TRAFD1: variants seen among roughly 807,000 people sequenced by gnomAD.
The protein encoded by TRAFD1 is TRAF-type zinc finger domain containing 1.
Under a neutral mutation model 65.3 loss-of-function variants are expected in TRAFD1, and 38 were observed. The observed-to-expected ratio is 0.58, with a 90% confidence interval of 0.45 to 0.76. TRAFD1 has a LOEUF of 0.76. Ranked by LOEUF, TRAFD1 falls within the 30% of genes least tolerant of loss-of-function variation. The pLI is 0.00. For synonymous variants in TRAFD1, 223 were observed against 257.2 expected, an observed-to-expected ratio of 0.87 and a Z score of 1.27; for missense variants, 631 against 712.6, an observed-to-expected ratio of 0.89 and a Z score of 1.30.
In TRAFD1 at chr12:112,140,851, C is replaced by A. The variant is rs1420003205; in HGVS notation, c.270C>A (p.Cys90Ter). The A allele has an allele frequency of 6.2e-7, 1 of 1,614,130 alleles. No homozygotes were observed. Among genetic ancestry groups the A allele is most frequent in the Non-Finnish European group, 8.5e-7 (1 of 1,180,012 alleles). Residue 90 changes from cysteine to a stop codon, truncating the protein, a stop_gained, in exon 5 of 12, where the codon TGC becomes TGA. Transcript: ENST00000412615. LOFTEE classifies it high-confidence loss of function. ...ETECPLRLAV[C>*]QHCDLELSIL... Reference sequence around the variant, plus strand: ...AGTGCCCTTTGCGGCTTGCTGTCTGCCAGCACTGTGATTTAGAACTTTCCA... The same window carrying A: ...AGTGCCCTTTGCGGCTTGCTGTCTGACAGCACTGTGATTTAGAACTTTCCA...
In TRAFD1 at chr12:112,152,133, G is replaced by A. The variant is rs115008525; in HGVS notation, c.1612G>A (p.Gly538Arg). ...CTCCCCTGGGCCTTCAGGGAGATAC[G>A]GAGCTAGGTAAGAATCAGTAGCCCA... ...SFSPGPSGRY[G>R]ASGRSEGGRN... Residue 538 changes from glycine to arginine, a missense_variant, in exon 10 of 12, where the codon GGA (glycine) becomes AGA (arginine). Gly to Arg is a moderately radical substitution (Grantham distance 125, BLOSUM62 -2). Coordinates refer to ENST00000412615, the MANE Select transcript of TRAFD1 (RefSeq NM_006700.3). The surrounding 1 kb of genome is among the most constrained non-coding windows in gnomAD (Gnocchi z 5.0). The A allele has an allele frequency of 1.4e-5, 22 of 1,610,778 alleles. No homozygotes were observed. The highest frequency in any genetic ancestry group is 8.9e-5 in the East Asian group (4 of 44,824).
chr12:112,151,064 C>T (rs2030389905), intron 9 of TRAFD1, among the ~76,000 whole-genome samples: 1 of 151,742 alleles, frequency 6.6e-6, no homozygotes, highest in South Asian at 2.1e-4. Context: ...ATCATGAAAC[C>T]CCGTCTCTAC....
chr12:112,145,701 T>TATGCAGGCCATAATTGGTG, intron 7 of TRAFD1, 39 bp downstream of exon 7: 3 of 1,590,392 alleles, frequency 1.9e-6, no homozygotes, highest in Non-Finnish European at 2.6e-6. Context: ...AGTAGGATTG[T>TATGCAGGCCATAATTGGTG]ATGCAGGCCA....
intron 5 of TRAFD1, chr12:112,141,863 A>G (rs2030097438): frequency 1.9e-6 from 1 of 520,834 alleles, no homozygotes; most frequent in Admixed American, 3.2e-5. Context: ...TGGCTCAGTA[A>G]TATTGCTTAA....
chr12:112,149,678 G>A, intron 8 of TRAFD1, 73 bp from the exon 9 acceptor site: 1 of 1,593,078 alleles, frequency 6.3e-7, no homozygotes, highest in Non-Finnish European at 8.6e-7. Flanking sequence ...ATACACTGCT[G>A]TTCCTCCCAT....
intron 1 of TRAFD1, among the ~76,000 whole-genome samples, chr12:112,129,459 C>T (rs1163945876): frequency 6.6e-6 from 1 of 151,930 alleles, no homozygotes; most frequent in Admixed American, 6.6e-5. Context: ...AGCTCAGCCT[C>T]CCAAAGTTCT....
At chr12:112,150,593 T>G (rs1013254877) in intron 9 of TRAFD1, among the ~76,000 whole-genome samples, 8 of 152,124 alleles carry the variant, frequency 5.3e-5, no homozygotes, top group Non-Finnish European at 8.8e-5. Flanking sequence ...AGGGTCTCTT[T>G]GTCATCCAGG....
rs1162086919 is a variant in TRAFD1, at chr12:112,152,448, G to C, written c.1641G>C (p.Arg547Ser). 1 of 1,613,666 alleles carries C rather than the reference G, an allele frequency of 6.2e-7. No homozygotes were observed. The highest frequency in any genetic ancestry group is 1.7e-5 in the Admixed American group (1 of 60,014). ...YGASGRSEGGRNSRVTPAAAN... is the reference protein window; with the variant it reads ...YGASGRSEGGSNSRVTPAAAN... The stretch of plus-strand genomic sequence containing the variant: ...TCAGTGGTAGGAGTGAAGGTGGCAG[G>C]AATTCCCGGGTCACCCCTGCAGCTG... Residue 547 changes from arginine (R) to serine (S), a missense_variant, in exon 11 of 12, where the codon AGG becomes AGC. By Grantham distance (110) the Arg-to-Ser change is moderately radical. Transcript: ENST00000412615. The surrounding 1 kb of genome is among the most constrained non-coding windows in gnomAD (Gnocchi z 5.0).
At position 112,152,048 on chromosome 12, in the gene TRAFD1, G is replaced by C. The variant is rs2030424666; in HGVS notation, c.1527G>C (p.Gly509=). The C allele has an allele frequency of 6.2e-7, 1 of 1,614,120 alleles. No homozygotes were observed. The highest frequency in any genetic ancestry group is 1.3e-5 in the African/African-American group (1 of 74,946). The change falls in exon 10 of 12, where the codon GGG becomes GGC. Residue 509 remains glycine, a synonymous_variant. Coordinates refer to ENST00000412615, the MANE Select transcript of TRAFD1 (RefSeq NM_006700.3). The surrounding 1 kb of genome is among the most constrained non-coding windows in gnomAD (Gnocchi z 5.0). ...RDSQNGAIAP[G]HVSVIRPPQN... is the part of the protein sequence containing the mutation. The stretch of plus-strand genomic sequence containing the variant: ...GCCAGAATGGGGCCATAGCCCCTGG[G>C]CACGTTTCAGTGATTCGCCCTCCTC...
At chr12:112,132,318 A>G (rs2079570171) in intron 2 of TRAFD1, among the ~76,000 whole-genome samples, 1 of 152,204 alleles carries the variant, frequency 6.6e-6, no homozygotes, top group African/African-American at 2.4e-5. Flanking sequence ...AAATATTCAT[A>G]CATAATCCCA....
At chr12:112,149,546 CAG>C (rs2030343789) in intron 8 of TRAFD1, 2 of 550,614 alleles carry the variant, frequency 3.6e-6, no homozygotes, top group Non-Finnish European at 6.3e-6. Flanking sequence ...CTGCACAAAT[CAG>C]AAAGTGTTTC....
At chr12:112,144,733 A>G (rs2030192011) in intron 6 of TRAFD1, among the ~76,000 whole-genome samples, 1 of 152,084 alleles carries the variant, frequency 6.6e-6, no homozygotes, top group Admixed American at 6.6e-5. Context: ...ATAAACAAAA[A>G]CTAGCTAGGC....
chr12:112,133,429 A>C (rs1173948457), intron 2 of TRAFD1: 1 of 152,226 alleles, frequency 6.6e-6, no homozygotes, highest in Non-Finnish European at 1.5e-5. Context: ...AATGAAATTA[A>C]ACTACTTAAA....
chr12:112,138,506 C>T (rs2136973755), intron 4 of TRAFD1, among the ~76,000 whole-genome samples: 2 of 150,376 alleles, frequency 1.3e-5, no homozygotes, highest in African/African-American at 4.9e-5. Flanking sequence ...GCCAAGATCA[C>T]ACCACTGCAC....
chr12:112,147,289 G>C (rs970859318), intron 7 of TRAFD1, among the ~76,000 whole-genome samples: 2 of 152,024 alleles, frequency 1.3e-5, no homozygotes, highest in African/African-American at 4.8e-5. Context: ...GAGCCTCCAC[G>C]TCTGGCCAGG....
chr12:112,140,737 T>TA, intron 4 of TRAFD1, 82 bp from the exon 5 acceptor site: 14 of 1,502,246 alleles, frequency 9.3e-6, no homozygotes, highest in Non-Finnish European at 1.3e-5. Flanking sequence ...TTGCAGTAGA[T>TA]ACTCTTGGCT....
At chr12:112,133,526 C>T (rs934145183) in intron 2 of TRAFD1, among the ~76,000 whole-genome samples, 1 of 152,142 alleles carries the variant, frequency 6.6e-6, no homozygotes, top group Non-Finnish European at 1.5e-5. Flanking sequence ...AATCCTGGAG[C>T]GTATCACTCT....
intron 7 of TRAFD1, 46 bp from the exon 8 acceptor site, chr12:112,148,028 C>T (rs1196260953): frequency 2.0e-6 from 3 of 1,503,800 alleles, no homozygotes; most frequent in Admixed American, 4.2e-5. Flanking sequence ...TAGTTTTTTT[C>T]TTAACCTCTG....
chr12:112,150,975 C>T (rs1043231736), intron 9 of TRAFD1, among the ~76,000 whole-genome samples: 4 of 152,108 alleles, frequency 2.6e-5, no homozygotes, highest in Non-Finnish European at 5.9e-5. Flanking sequence ...CATGGTGACT[C>T]ACACCTGTAA....
Sources: allele counts gnomAD v4.1 joint callset (sites outside exome capture counted in the v4.1 genomes callset), GRCh38; gene constraint gnomAD v4.1.1; non-coding constraint Gnocchi (gnomAD v3.1); transcripts MANE v1.5; gene names NCBI Gene and HGNC (gene_info 2026-07-23, HGNC 2026-07-21).